LPIN2: variants seen among roughly 807,000 people sequenced by gnomAD.
LPIN2 encodes the protein lipin 2, also known as phosphatidate phosphatase LPIN2.
In LPIN2, 55 loss-of-function variants were observed where a neutral mutation model predicts 111.4. That is an observed-to-expected ratio of 0.49 (90% CI 0.40 to 0.62). The LOEUF is 0.62. Among genes scored for constraint, LPIN2 ranks in the 20% least tolerant of loss-of-function variants. The probability of loss-of-function intolerance (pLI) is 0.00; values close to 1 mark genes in which losing one functional copy is unlikely to be tolerated. For synonymous variants in LPIN2, 425 were observed against 414.0 expected (o/e 1.03, Z -0.32); for missense variants, 992 against 1,112.1 (o/e 0.89, Z 1.54).
At position 2,925,298 on chromosome 18, in the gene LPIN2, T is replaced by C; in HGVS notation, c.1864A>G (p.Ile622Val). 6.2e-7 allele frequency: 1 copy of C among 1,614,134 alleles called. No homozygotes were observed. Among genetic ancestry groups the C allele is most frequent in the East Asian group, 2.2e-5 (1 of 44,880 alleles). Residue 622 changes from isoleucine (I) to valine (V), a missense_variant, in exon 14 of 20, where the codon ATC becomes GTC. By Grantham distance (29) the Ile-to-Val change is conservative. This residue lies in a region of LPIN2 where 709 missense variants were observed against 753.2 expected (regional missense o/e 0.94). Transcript: ENST00000677752. This position sits in a 1 kb window ranked among gnomAD's most constrained non-coding sequence, Gnocchi z 4.1. ...CCGTGGCTCAGGGGCTCTGTGGGGA[T>C]GGGGTCCACTGTGATGGATTCTTCG... Reference protein sequence around the residue: ...ELEESITVDPIPTEPLSHGST... With the variant: ...ELEESITVDPVPTEPLSHGST...
In LPIN2 at chr18:2,954,371, A is replaced by T. The variant is rs1386609592; in HGVS notation, c.288+133T>A. The T allele has an allele frequency of 5.8e-6, 4 of 694,956 alleles. No individual in the cohort carries two copies. The East Asian group carries it at 1.1e-4, about 19-fold the overall frequency. 43.0% of individuals were successfully genotyped at this position (694,956 alleles called of 1,614,324 possible). A position where few individuals can be genotyped will look rare whatever the true frequency, so the allele number is the denominator to read the frequency against. On this transcript the variant is annotated intron_variant, in intron 3 of 19. Coordinates refer to ENST00000677752, the MANE Select transcript of LPIN2 (RefSeq NM_001375808.2). ...TTTGACAGCTTAGTTCTTCAACATG[A>T]AACTAAAGCTTGTCTTGCCAACAAC... is the stretch of plus-strand genomic sequence containing the variant.
chr18:2,940,615 G>C lies in LPIN2; in HGVS notation c.688C>G (p.Pro230Ala). ...TTCAAAGATACTTACGTCTCTAAAG[G>C]GGACCAATCTCCATCAGATAAGGGG... is the stretch of plus-strand genomic sequence containing the variant. ...HYPLSDGDWS[P>A]LETTYPQTAC... The change falls in exon 5 of 20, where the codon CCT (proline) becomes GCT (alanine). Residue 230 changes from proline (P) to alanine (A), a missense_variant. Physicochemically the swap from Pro to Ala is conservative, Grantham distance 27. Coordinates refer to ENST00000677752, the MANE Select transcript of LPIN2 (RefSeq NM_001375808.2). 1 of 1,605,664 alleles carries C rather than the reference G, an allele frequency of 6.2e-7. No homozygotes were observed. The highest frequency in any genetic ancestry group is 8.5e-7 in the Non-Finnish European group (1 of 1,172,634).
At chr18:2,923,994 T>C in intron 15 of LPIN2, 133 bp from the exon 16 acceptor site, 1 of 770,318 alleles carries the variant, frequency 1.3e-6, no homozygotes, top group East Asian at 2.6e-5. Context: ...AATCACAGCT[T>C]CAAGCAACTG....
chr18:2,933,830 G>C (rs1204934216), intron 8 of LPIN2, among the ~76,000 whole-genome samples: 8 of 152,316 alleles, frequency 5.3e-5, no homozygotes, highest in Admixed American at 5.2e-4. Flanking sequence ...AAATGGTGCG[G>C]GACAGTGAGG....
chr18:2,934,625 T>C (rs1394399796), intron 7 of LPIN2, among the ~76,000 whole-genome samples, 175 bp from the exon 8 acceptor site: 1 of 152,228 alleles, frequency 6.6e-6, no homozygotes, highest in African/African-American at 2.4e-5. Flanking sequence ...TCCATGCCAA[T>C]AGAAGAGAAG....
At position 2,934,443 on chromosome 18, in the gene LPIN2, G is replaced by T. The variant is rs774569139; in HGVS notation, c.1176C>A (p.His392Gln). The T allele has an allele frequency of 1.9e-6, 3 of 1,607,822 alleles. No homozygotes were observed. The highest frequency in any genetic ancestry group is 2.6e-6 in the Non-Finnish European group (3 of 1,174,804). ...VDSPSKKKGV[H>Q]KRSQHQGPDD... ...CAGGTCCCTGGTGTTGGCTTCTTTT[G>T]TGAACACCTGTTTAAAAAAAAAATC... Residue 392 changes from histidine to glutamine, a missense_variant, in exon 8 of 20, where the codon CAC becomes CAA. By Grantham distance (24) the His-to-Gln change is conservative (BLOSUM62 0). Around this residue, in one of 4 missense-constraint regions of LPIN2, gnomAD observed 709 missense variants for 753.2 expected, o/e 0.94. Coordinates refer to ENST00000677752, the MANE Select transcript of LPIN2 (RefSeq NM_001375808.2).
At chr18:2,988,109 G>A (rs969968320) in intron 1 of LPIN2, among the ~76,000 whole-genome samples, 3 of 151,222 alleles carry the variant, frequency 2.0e-5, no homozygotes, top group Non-Finnish European at 4.4e-5. Context: ...GCCTTAAATG[G>A]GTCCCCAACA....
At chr18:2,950,273 CT>C (rs2077514720) in intron 4 of LPIN2, 1 of 152,168 alleles carries the variant, frequency 6.6e-6, no homozygotes, top group Non-Finnish European at 1.5e-5. Flanking sequence ...ATGAAAAACA[CT>C]TGAACATCAC....
At chr18:2,928,471 T>C in intron 11 of LPIN2, 120 bp downstream of exon 11, 1 of 961,100 alleles carries the variant, frequency 1.0e-6, no homozygotes, top group Admixed American at 1.9e-5. Flanking sequence ...TTATATTAAA[T>C]ATTAAGCTCA....
At chr18:2,964,602 G>A (rs993912226) in intron 1 of LPIN2, among the ~76,000 whole-genome samples, 1 of 147,126 alleles carries the variant, frequency 6.8e-6, no homozygotes, top group Admixed American at 6.8e-5. Context: ...TGATCTGTGA[G>A]AATGGTAAGA....
Position 2,931,310 on chromosome 18 carries a change from C to T in LPIN2, c.1402G>A (p.Asp468Asn). The T allele has an allele frequency of 1.2e-6, 2 of 1,614,216 alleles. No homozygotes were observed. Among genetic ancestry groups the T allele is most frequent in the East Asian group, 2.2e-5 (1 of 44,888 alleles). Residue 468 changes from aspartate to asparagine, a missense_variant, in exon 9 of 20, where the codon GAC (aspartate) becomes AAC (asparagine). By Grantham distance (23) the Asp-to-Asn change is conservative. Around this residue, in one of 4 missense-constraint regions of LPIN2, gnomAD observed 709 missense variants for 753.2 expected, o/e 0.94. Coordinates refer to ENST00000677752, the MANE Select transcript of LPIN2 (RefSeq NM_001375808.2). ...CCCCCGCAAAGGGAGAGGGTAACGTCAGGCAAGTCCATGGCAGAATCTGAG... is the reference window on the plus strand; with the variant it reads ...CCCCCGCAAAGGGAGAGGGTAACGTTAGGCAAGTCCATGGCAGAATCTGAG... The part of the protein sequence containing the change: ...CLSDSAMDLP[D>N]VTLSLCGGLS...
At chr18:2,924,266 A>G in intron 15 of LPIN2, 132 bp downstream of exon 15, 1 of 1,115,146 alleles carries the variant, frequency 9.0e-7, no homozygotes, top group Non-Finnish European at 1.4e-6. Context: ...GGGACGCCTC[A>G]GAGCATATGG....
chr18:2,932,058 A>C (rs2077219179), intron 8 of LPIN2, among the ~76,000 whole-genome samples: 1 of 152,230 alleles, frequency 6.6e-6, no homozygotes, highest in African/African-American at 2.4e-5. Context: ...CAGGAGCTAA[A>C]GATGAGGTTA....
intron 1 of LPIN2, among the ~76,000 whole-genome samples, chr18:2,963,117 A>G (rs1265461364): frequency 6.6e-6 from 1 of 152,250 alleles, no homozygotes; most frequent in African/African-American, 2.4e-5. Context: ...TGAAACAATG[A>G]CATTTATATT....
intron 1 of LPIN2, among the ~76,000 whole-genome samples, chr18:2,988,314 T>G (rs563248724): frequency 7.3e-4 from 111 of 152,316 alleles, no homozygotes; most frequent in African/African-American, 2.4e-3. Context: ...ACTAATATAC[T>G]TTGCTATGAG....
At chr18:2,995,911 T>G (rs920483753) in intron 1 of LPIN2, among the ~76,000 whole-genome samples, 21 of 152,252 alleles carry the variant, frequency 1.4e-4, no homozygotes, top group African/African-American at 4.6e-4. Context: ...TTTCATTGTG[T>G]AAGTTTCTGG....
chr18:2,927,892 G>C, intron 11 of LPIN2, 81 bp from the exon 12 acceptor site: 1 of 1,154,350 alleles, frequency 8.7e-7, no homozygotes, highest in Non-Finnish European at 1.3e-6. Flanking sequence ...TGAAGGACGG[G>C]GCCTTACTAT....
At chr18:2,962,461 C>A (rs1290070642) in intron 1 of LPIN2, among the ~76,000 whole-genome samples, 2 of 151,360 alleles carry the variant, frequency 1.3e-5, no homozygotes, top group East Asian at 3.9e-4. Flanking sequence ...ATCAAGTGCT[C>A]AATAATCATT....
intron 1 of LPIN2, among the ~76,000 whole-genome samples, chr18:2,975,534 A>G (rs1191589119): frequency 6.6e-6 from 1 of 152,048 alleles, no homozygotes; most frequent in African/African-American, 2.4e-5. Flanking sequence ...GGGTTTCTCC[A>G]TGTTGGTCAA....
Sources: gnomAD v4.1 joint callset for allele counts (sites outside exome capture counted in the v4.1 genomes callset) on GRCh38, gnomAD v4.1.1 for gene constraint, gnomAD v4.1.1 regional missense constraint, Gnocchi (gnomAD v3.1) non-coding constraint, MANE v1.5 for transcripts, NCBI Gene and HGNC (gene_info 2026-07-23, HGNC 2026-07-21) for gene names.